The following CNTLN variants were observed in gnomAD, a reference collection of about 807,000 sequenced individuals.
The protein encoded by CNTLN is centlein, also known as centlein, centrosomal protein.
In CNTLN, 212 loss-of-function variants were observed where a neutral mutation model predicts 180.0. The observed-to-expected ratio is 1.18, with a 90% confidence interval of 1.05 to 1.32. CNTLN has a LOEUF of 1.32. CNTLN is among the 40% of genes most tolerant of loss of function. CNTLN has a pLI of 0.00. For synonymous variants in CNTLN, 722 were observed against 563.1 expected, an observed-to-expected ratio of 1.28 and a Z score of -3.99; for missense variants, 2,095 against 1,610.9, an observed-to-expected ratio of 1.30 and a Z score of -5.14.
At chr9:17,342,488 G>C (rs1314677407) in intron 12 of CNTLN, 44 bp downstream of exon 12, 8 of 1,529,002 alleles carry the variant, frequency 5.2e-6, no homozygotes, top group Non-Finnish European at 7.0e-6. Flanking sequence ...AAAATACTTG[G>C]GAGAAATTTT....
chr9:17,266,228 G>T (rs1438022181), intron 5 of CNTLN, among the ~76,000 whole-genome samples: 1 of 152,118 alleles, frequency 6.6e-6, no homozygotes, highest in African/African-American at 2.4e-5. Context: ...AGAGATTCTG[G>T]TATGCTGTGT....
intron 7 of CNTLN, among the ~76,000 whole-genome samples, chr9:17,307,307 C>T (rs1409890220): frequency 6.6e-6 from 1 of 152,010 alleles, no homozygotes; most frequent in Admixed American, 6.6e-5. Flanking sequence ...CTCCCCATGT[C>T]ACCCAGACTG....
intron 2 of CNTLN, among the ~76,000 whole-genome samples, chr9:17,162,709 G>A (rs1420979913): frequency 6.6e-6 from 1 of 152,174 alleles, no homozygotes; most frequent in Non-Finnish European, 1.5e-5. Flanking sequence ...CCTGAGGATG[G>A]AGGGAGGGAA....
At chr9:17,277,444 T>G (rs954851685) in intron 6 of CNTLN, among the ~76,000 whole-genome samples, 2 of 152,228 alleles carry the variant, frequency 1.3e-5, no homozygotes, top group South Asian at 4.1e-4. Context: ...CAGAAGCAAG[T>G]GAGTTTTCTT....
chr9:17,335,122 T>C (rs1252183284), intron 10 of CNTLN, among the ~76,000 whole-genome samples: 1 of 152,160 alleles, frequency 6.6e-6, no homozygotes, highest in East Asian at 1.9e-4. Context: ...TTTATTCTAT[T>C]GAGGTTTTCA....
At chr9:17,513,106 C>T in the CNTLN span, among the ~76,000 whole-genome samples, 3 of 151,976 alleles carry the variant, frequency 2.0e-5, no homozygotes, top group Admixed American at 6.6e-5. Flanking sequence ...GGCCACGGTG[C>T]CCGGCCTAGT....
intron 6 of CNTLN, among the ~76,000 whole-genome samples, chr9:17,280,686 G>A (rs1828607106): frequency 1.3e-5 from 2 of 152,312 alleles, no homozygotes; most frequent in African/African-American, 4.8e-5. Context: ...CAAGAACTGA[G>A]AAACTGTGCC....
chr9:17,169,712 G>T (rs955292430), intron 2 of CNTLN, among the ~76,000 whole-genome samples: 3 of 151,946 alleles, frequency 2.0e-5, no homozygotes, highest in Non-Finnish European at 1.5e-5. Context: ...TTGACCATTT[G>T]TGTATGGATT....
At chr9:17,271,031 A>T (rs1827904429) in intron 5 of CNTLN, among the ~76,000 whole-genome samples, 1 of 146,578 alleles carries the variant, frequency 6.8e-6, no homozygotes, top group Non-Finnish European at 1.5e-5. Context: ...GCTCACTGCA[A>T]TCTCAGCCTT....
chr9:17,474,498 C>G (rs576744972), intron 23 of CNTLN, among the ~76,000 whole-genome samples: 1 of 152,302 alleles, frequency 6.6e-6, no homozygotes, highest in South Asian at 2.1e-4. Context: ...TTGCTTGTAC[C>G]TATGCATTAG....
the CNTLN span, among the ~76,000 whole-genome samples, chr9:17,521,527 T>C: frequency 6.6e-6 from 1 of 152,200 alleles, no homozygotes; most frequent in Non-Finnish European, 1.5e-5. Context: ...TAATACTTGT[T>C]TAATAGCCTA....
intron 2 of CNTLN, among the ~76,000 whole-genome samples, chr9:17,156,584 GTAGTACTCTGTACCCTA>G (rs1296011035): frequency 6.6e-6 from 1 of 151,524 alleles, no homozygotes; most frequent in Non-Finnish European, 1.5e-5. Context: ...CTGACTTATT[GTAGTACTCTGTACCCTA>G]TAGTTGCCAT....
chr9:17,504,227 A>G (rs1234462689), downstream of CNTLN, among the ~76,000 whole-genome samples: 1 of 152,176 alleles, frequency 6.6e-6, no homozygotes, highest in African/African-American at 2.4e-5. Flanking sequence ...ATGGCGAAGC[A>G]TTGTGTTTAT....
At chr9:17,384,228 A>G (rs964044496) in intron 13 of CNTLN, among the ~76,000 whole-genome samples, 1 of 152,090 alleles carries the variant, frequency 6.6e-6, no homozygotes, top group African/African-American at 2.4e-5. Flanking sequence ...CCCAGCTTAA[A>G]GACATTTTAT....
chr9:17,500,546 A>G (rs1220796893), intron 25 of CNTLN, among the ~76,000 whole-genome samples: 1 of 152,190 alleles, frequency 6.6e-6, no homozygotes, highest in East Asian at 1.9e-4. Flanking sequence ...TGATAAATAG[A>G]CCATGAGAAC....
At chr9:17,200,428 G>A (rs933518155) in intron 2 of CNTLN, among the ~76,000 whole-genome samples, 1 of 152,130 alleles carries the variant, frequency 6.6e-6, no homozygotes, top group Non-Finnish European at 1.5e-5. Flanking sequence ...ACTTTGGGGA[G>A]TATGGCCATT....
At chr9:17,335,943 C>T (rs1242402694) in intron 10 of CNTLN, among the ~76,000 whole-genome samples, 1 of 115,626 alleles carries the variant, frequency 8.6e-6, no homozygotes, top group South Asian at 2.4e-4. Flanking sequence ...AAAACAAAAA[C>T]AAAGTTAGAG....
At chr9:17,368,874 A>G (rs376404187) in intron 13 of CNTLN, among the ~76,000 whole-genome samples, 4 of 152,206 alleles carry the variant, frequency 2.6e-5, no homozygotes, top group Non-Finnish European at 4.4e-5. Context: ...GGCTGAATCA[A>G]TCCTACTGCC....
chr9:17,369,620 A>T (rs1255849475), intron 13 of CNTLN, among the ~76,000 whole-genome samples: 2 of 151,690 alleles, frequency 1.3e-5, no homozygotes, highest in East Asian at 4.0e-4. Flanking sequence ...TGAAAAATGC[A>T]CTGGAGTCCC....
Sources: allele counts gnomAD v4.1 joint callset (sites outside exome capture counted in the v4.1 genomes callset), GRCh38; gene constraint gnomAD v4.1.1; transcripts MANE v1.5; gene names NCBI Gene and HGNC (gene_info 2026-07-23, HGNC 2026-07-21).